Variants in LRRC4C observed in about 807,000 individuals in gnomAD.
The protein encoded by LRRC4C is leucine-rich repeat-containing protein 4C.
In LRRC4C, 5 loss-of-function variants were observed where a neutral mutation model predicts 33.6. The ratio of observed to expected loss-of-function variants is 0.15; its 90% CI spans 0.08 to 0.31. LRRC4C has a LOEUF of 0.31. LRRC4C is among the 10% of genes least tolerant of loss of function. LRRC4C has a pLI of 1.00. For missense variants in LRRC4C, 560 were observed against 796.7 expected, an observed-to-expected ratio of 0.70 and a Z score of 3.58; for synonymous variants, 329 against 302.0, an observed-to-expected ratio of 1.09 and a Z score of -0.93.
At chr11:41,380,097 G>T (rs1197797870) in intron 1 of LRRC4C, among the ~76,000 whole-genome samples, 1 of 152,108 alleles carries the variant, frequency 6.6e-6, no homozygotes, top group African/African-American at 2.4e-5. Flanking sequence ...AGGTTAGCAA[G>T]AATTAGTTCA....
intron 3 of LRRC4C, among the ~76,000 whole-genome samples, chr11:40,546,099 TTCCTTCCTTC>T (rs1387467646): frequency 6.7e-6 from 1 of 148,676 alleles, no homozygotes. Context: ...CCTTCCTTCC[TTCCTTCCTTC>T]CTTCCTTCCT....
intron 2 of LRRC4C, among the ~76,000 whole-genome samples, chr11:40,728,694 A>G (rs1337367388): frequency 1.3e-5 from 2 of 151,830 alleles, no homozygotes; most frequent in Non-Finnish European, 2.9e-5. Context: ...TCATCACTAT[A>G]CTATTCACCA....
At chr11:40,523,840 A>G (rs1955927521) in intron 3 of LRRC4C, among the ~76,000 whole-genome samples, 1 of 152,110 alleles carries the variant, frequency 6.6e-6, no homozygotes, top group Middle Eastern at 3.2e-3. Flanking sequence ...AAAACCACAT[A>G]CACATGTGTC....
chr11:40,919,141 C>T lies in LRRC4C; in HGVS notation c.-407+14494G>A, dbSNP rs148392503. On this transcript the variant is annotated intron_variant, in intron 2 of 6. Transcript: ENST00000528697. ...AGCCCACACACATGGAAAAGCATGG[C>T]CCTGTATGTTCAGTCTGTCAAAGTC... Among the ~76,000 whole-genome samples, 84 of 152,174 alleles carry T rather than the reference C, an allele frequency of 5.5e-4. 1 individual carries two copies. Among genetic ancestry groups the T allele is most frequent in the Non-Finnish European group, 2.9e-5 (2 of 68,000 alleles).
chr11:40,759,790 G>A (rs1046930903), intron 2 of LRRC4C, among the ~76,000 whole-genome samples: 3 of 151,648 alleles, frequency 2.0e-5, no homozygotes, highest in African/African-American at 4.8e-5. Flanking sequence ...TCCCCTTCCT[G>A]ATCAGCCAAC....
chr11:40,342,093 T>C (rs1395523178), intron 3 of LRRC4C, among the ~76,000 whole-genome samples: 1 of 152,158 alleles, frequency 6.6e-6, no homozygotes, highest in Non-Finnish European at 1.5e-5. Context: ...AGTATTATTA[T>C]GAAAAATTAA....
At chr11:40,456,584 G>C (rs1952142356) in intron 3 of LRRC4C, among the ~76,000 whole-genome samples, 1 of 151,942 alleles carries the variant, frequency 6.6e-6, no homozygotes. Context: ...ACAAAAAATG[G>C]AGAAAAGAGA....
At chr11:40,572,147 G>T (rs1169162827) in intron 3 of LRRC4C, among the ~76,000 whole-genome samples, 1 of 152,124 alleles carries the variant, frequency 6.6e-6, no homozygotes, top group South Asian at 2.1e-4. Context: ...CAGTCATTTT[G>T]TTCATATGGG....
At chr11:40,679,239 G>T (rs1944558984) in intron 2 of LRRC4C, among the ~76,000 whole-genome samples, 1 of 152,146 alleles carries the variant, frequency 6.6e-6, no homozygotes, top group Admixed American at 6.5e-5. Context: ...GAATTCAAGA[G>T]TTGACTTGGG....
chr11:40,315,612 A>G lies in LRRC4C; in HGVS notation c.-176+4016T>C, dbSNP rs138293749. On this transcript the variant is annotated intron_variant, in intron 4 of 6. Coordinates refer to ENST00000528697, the MANE Select transcript of LRRC4C (RefSeq NM_001258419.2). The stretch of plus-strand genomic sequence containing the variant: ...GTTTCATTATATCAATAAACTATAT[A>G]ACACAGTCTATTTTTAGTTTTTTAA... 9.2e-4 allele frequency among the ~76,000 whole-genome samples: 140 copies of G among 152,074 alleles called. 4 individuals are homozygous for G. Among genetic ancestry groups the G allele is most frequent in the African/African-American group, 3.2e-3 (134 of 41,478 alleles).
chr11:40,265,561 G>A (rs1254332349), intron 4 of LRRC4C, among the ~76,000 whole-genome samples: 2 of 152,190 alleles, frequency 1.3e-5, no homozygotes, highest in Admixed American at 1.3e-4. Flanking sequence ...AGATTGGATT[G>A]TTCTCTTTTC....
intron 2 of LRRC4C, among the ~76,000 whole-genome samples, chr11:40,784,618 ATTGT>A (rs1950338043): frequency 6.6e-6 from 1 of 152,118 alleles, no homozygotes; most frequent in Admixed American, 6.6e-5. Context: ...TCTTGTTTTG[ATTGT>A]TTGCAGATAT....
At chr11:40,258,106 T>C (rs773263501) in intron 4 of LRRC4C, among the ~76,000 whole-genome samples, 1 of 152,144 alleles carries the variant, frequency 6.6e-6, no homozygotes, top group Non-Finnish European at 1.5e-5. Flanking sequence ...CACCAGTATG[T>C]TTTATTTTCA....
At chr11:40,822,550 A>G (rs1951980057) in intron 2 of LRRC4C, among the ~76,000 whole-genome samples, 4 of 151,326 alleles carry the variant, frequency 2.6e-5, no homozygotes, top group Non-Finnish European at 5.9e-5. Flanking sequence ...GAGTTGTTTG[A>G]GTCTCTTATA....
chr11:40,759,079 C>T (rs1949074685), intron 2 of LRRC4C, among the ~76,000 whole-genome samples: 2 of 147,382 alleles, frequency 1.4e-5, no homozygotes, highest in South Asian at 4.2e-4. Context: ...ACACAGTTTA[C>T]ATATATTATT....
chr11:41,201,332 G>A (rs773518378), intron 1 of LRRC4C, among the ~76,000 whole-genome samples: 1 of 152,164 alleles, frequency 6.6e-6, no homozygotes, highest in Non-Finnish European at 1.5e-5. Context: ...GGGAGCTCGT[G>A]TTCCCAAAAC....
intron 2 of LRRC4C, among the ~76,000 whole-genome samples, chr11:40,839,788 G>A (rs1372439503): frequency 2.0e-5 from 3 of 152,062 alleles, no homozygotes; most frequent in African/African-American, 4.8e-5. Context: ...ATGAAGAAAG[G>A]GTGGGCATAT....
intron 2 of LRRC4C, among the ~76,000 whole-genome samples, chr11:40,758,546 G>A (rs1483662779): frequency 6.6e-6 from 1 of 151,980 alleles, no homozygotes; most frequent in East Asian, 1.9e-4. Context: ...GTGTTTTTCT[G>A]TTTGAATTAA....
At chr11:41,028,239 T>A (rs1856505340) in intron 1 of LRRC4C, among the ~76,000 whole-genome samples, 1 of 151,650 alleles carries the variant, frequency 6.6e-6, no homozygotes, top group African/African-American at 2.4e-5. Flanking sequence ...AACTCCAGCA[T>A]ATTCAGATAA....
Sources: allele counts gnomAD v4.1 joint callset (sites outside exome capture counted in the v4.1 genomes callset), GRCh38; gene constraint gnomAD v4.1.1; transcripts MANE v1.5; gene names NCBI Gene and HGNC (gene_info 2026-07-23, HGNC 2026-07-21).